Variants in BCL2L1 observed in about 807,000 individuals in gnomAD.
The protein encoded by BCL2L1 is BCL2 like 1.
In BCL2L1, 1 loss-of-function variant was observed where a neutral mutation model predicts 18.7. The observed-to-expected ratio is 0.05, with a 90% CI of 0.02 to 0.25. The LOEUF is 0.25. BCL2L1 is among the 10% of genes least tolerant of loss of function. The probability of loss-of-function intolerance (pLI) is 1.00; values close to 1 mark genes in which losing one functional copy is unlikely to be tolerated. For synonymous variants in BCL2L1, 103 were observed against 122.7 expected, an observed-to-expected ratio of 0.84 and a Z score of 1.06; for missense variants, 207 against 304.9, an observed-to-expected ratio of 0.68 and a Z score of 2.39.
At chr20:31,687,358 G>A (rs1373781233) in intron 2 of BCL2L1, among the ~76,000 whole-genome samples, 1 of 151,836 alleles carries the variant, frequency 6.6e-6, no homozygotes, top group African/African-American at 2.4e-5. Context: ...GCTCTGAACG[G>A]AGAAAATTCT....
At chr20:31,687,807 T>C (rs988932488) in intron 2 of BCL2L1, among the ~76,000 whole-genome samples, 12 of 152,148 alleles carry the variant, frequency 7.9e-5, no homozygotes, top group Non-Finnish European at 8.8e-5. Context: ...GGCTGTTTTG[T>C]GGCCAGTTAC....
At chr20:31,673,635 A>C (rs1446259207) in intron 2 of BCL2L1, among the ~76,000 whole-genome samples, 1 of 152,160 alleles carries the variant, frequency 6.6e-6, no homozygotes, top group Admixed American at 6.6e-5. Flanking sequence ...TGGGCAACAG[A>C]GTGAGACCCT....
chr20:31,713,577 G>A (rs992188855), intron 2 of BCL2L1: 5 of 985,372 alleles, frequency 5.1e-6, no homozygotes, highest in Non-Finnish European at 6.0e-6. Flanking sequence ...AGAGTTCACT[G>A]TAAGGCTCAA....
Position 31,693,070 on chromosome 20 carries a change from A to T in BCL2L1, c.565-26984T>A, listed in dbSNP as rs983091235. On this transcript the variant is annotated intron_variant, in intron 2 of 2. Coordinates refer to ENST00000307677, the MANE Select transcript of BCL2L1 (RefSeq NM_138578.3). ...TGGGCGAGAAAGTGGGACCGTCTCA[A>T]AAAAAAAAAACAAAAACAAAAACAA... 4.7e-5 allele frequency among the ~76,000 whole-genome samples: 7 copies of T among 149,492 alleles called. No individual in the cohort carries two copies. In the East Asian group the frequency reaches 9.7e-4, roughly 21 times the overall value.
chr20:31,693,325 A>T (rs924261533), intron 2 of BCL2L1, among the ~76,000 whole-genome samples: 22 of 151,842 alleles, frequency 1.4e-4, no homozygotes, highest in African/African-American at 1.9e-4. Context: ...AATAATAATT[A>T]AAAAATTAGC....
intron 2 of BCL2L1, among the ~76,000 whole-genome samples, chr20:31,701,059 AT>A (rs894553650): frequency 4.8e-4 from 71 of 147,742 alleles, no homozygotes; most frequent in Middle Eastern, 3.4e-3. Flanking sequence ...ATGTAATTAG[AT>A]TTTTTTTTTT....
At chr20:31,683,421 A>G (rs577644158) in intron 2 of BCL2L1, among the ~76,000 whole-genome samples, 28 of 152,160 alleles carry the variant, frequency 1.8e-4, no homozygotes, top group African/African-American at 5.1e-4. Context: ...GCAAACACAT[A>G]CCAAAAGCTG....
upstream of BCL2L1, chr20:31,723,560 A>G (rs2061670582): frequency 3.0e-6 from 3 of 983,962 alleles, no homozygotes; most frequent in African/African-American, 3.5e-5. Context: ...CCCCGTTGCT[A>G]GGCAACCGCC....
intron 2 of BCL2L1, among the ~76,000 whole-genome samples, chr20:31,697,234 G>C (rs2061187245): frequency 6.6e-6 from 1 of 152,174 alleles, no homozygotes; most frequent in Middle Eastern, 3.4e-3. Context: ...ATGGATGGTA[G>C]CTCTGTAGAT....
intron 2 of BCL2L1, among the ~76,000 whole-genome samples, chr20:31,670,958 G>A (rs1271468511): frequency 2.0e-5 from 3 of 152,214 alleles, no homozygotes; most frequent in African/African-American, 7.2e-5. Context: ...GGCTCCCACT[G>A]GTTTTAACCA....
At chr20:31,710,057 A>C (rs1299003588) in intron 2 of BCL2L1, among the ~76,000 whole-genome samples, 1 of 152,106 alleles carries the variant, frequency 6.6e-6, no homozygotes, top group Admixed American at 6.6e-5. Context: ...AAGACATAAC[A>C]ATGCCTAACA....
At chr20:31,670,559 C>T (rs962843578) in intron 2 of BCL2L1, among the ~76,000 whole-genome samples, 1 of 152,230 alleles carries the variant, frequency 6.6e-6, no homozygotes, top group African/African-American at 2.4e-5. Flanking sequence ...CAGAAACAGT[C>T]ATTCCTGGGT....
chr20:31,720,023 C>A, intron 2 of BCL2L1: 1 of 905,088 alleles, frequency 1.1e-6, no homozygotes, highest in South Asian at 5.1e-5. Context: ...CACAAACCAA[C>A]AGGAACTATT....
At chr20:31,702,326 A>G (rs2061289482) in intron 2 of BCL2L1, among the ~76,000 whole-genome samples, 1 of 152,198 alleles carries the variant, frequency 6.6e-6, no homozygotes, top group Admixed American at 6.5e-5. Flanking sequence ...CACAGGCCTC[A>G]GAGGTTGGTA....
At chr20:31,687,040 G>A (rs1359379748) in intron 2 of BCL2L1, among the ~76,000 whole-genome samples, 1 of 152,160 alleles carries the variant, frequency 6.6e-6, no homozygotes, top group Non-Finnish European at 1.5e-5. Flanking sequence ...TACACTGGCC[G>A]AGTCTGGTGG....
chr20:31,711,089 G>A (rs1050349924), intron 2 of BCL2L1, among the ~76,000 whole-genome samples: 2 of 152,202 alleles, frequency 1.3e-5, no homozygotes, highest in Non-Finnish European at 2.9e-5. Flanking sequence ...CTTCACAGGA[G>A]AGCATTTGTG....
chr20:31,684,434 G>A (rs1393756580), intron 2 of BCL2L1, among the ~76,000 whole-genome samples: 2 of 152,188 alleles, frequency 1.3e-5, no homozygotes, highest in South Asian at 4.1e-4. Flanking sequence ...GTCCCAAAGG[G>A]TGGCAGCTTC....
intron 2 of BCL2L1, among the ~76,000 whole-genome samples, chr20:31,706,313 GC>G (rs1337652319): frequency 6.6e-6 from 1 of 152,180 alleles, no homozygotes; most frequent in Non-Finnish European, 1.5e-5. Flanking sequence ...GTCTGGCCTT[GC>G]CTGGTACTTT....
At position 31,691,089 on chromosome 20, in the gene BCL2L1, G is replaced by T. The variant is rs189299538; in HGVS notation, c.565-25003C>A. Among the ~76,000 whole-genome samples, 953 of 138,734 alleles carry T rather than the reference G, an allele frequency of 6.9e-3. 12 individuals are homozygous for T. The highest frequency in any genetic ancestry group is 0.024 in the African/African-American group (906 of 38,270). The allele number at this position is 138,734 out of a possible 152,430, so 91.0% of individuals were successfully genotyped here. The stretch of plus-strand genomic sequence containing the variant: ...AATCGCTTGAACCCGGGAGGCAGAG[G>T]TTGCAGTGAGCCGAGATCATGCCAT... On this transcript the variant is annotated intron_variant, in intron 2 of 2. Coordinates refer to ENST00000307677, the MANE Select transcript of BCL2L1 (RefSeq NM_138578.3).
Sources: allele counts gnomAD v4.1 joint callset (sites outside exome capture counted in the v4.1 genomes callset), GRCh38; gene constraint gnomAD v4.1.1; transcripts MANE v1.5; gene names NCBI Gene and HGNC (gene_info 2026-07-23, HGNC 2026-07-21).